Variants in UBE2E2 observed in about 807,000 individuals in gnomAD.
UBE2E2 encodes ubiquitin-conjugating enzyme E2 E2.
A neutral mutation model predicts 24.7 loss-of-function variants in UBE2E2; 6 were observed. That is an observed-to-expected ratio of 0.24 (90% CI 0.13 to 0.48). The LOEUF is 0.48. Ranked by LOEUF, UBE2E2 falls within the 20% of genes least tolerant of loss-of-function variation. The probability of loss-of-function intolerance (pLI) is 0.99; values close to 1 mark genes in which losing one functional copy is unlikely to be tolerated. For missense variants in UBE2E2, 169 were observed against 245.0 expected, an observed-to-expected ratio of 0.69 and a Z score of 2.07; for synonymous variants, 104 against 83.6, an observed-to-expected ratio of 1.24 and a Z score of -1.33.
At chr3:23,517,417 T>G (rs1694767231) in intron 4 of UBE2E2, among the ~76,000 whole-genome samples, 1 of 152,150 alleles carries the variant, frequency 6.6e-6, no homozygotes, top group Non-Finnish European at 1.5e-5. Context: ...ACCTCCCATC[T>G]CAGACTCCCA....
chr3:23,214,155 C>T (rs1197784396), intron 2 of UBE2E2, among the ~76,000 whole-genome samples: 2 of 152,120 alleles, frequency 1.3e-5, no homozygotes, highest in African/African-American at 4.8e-5. Flanking sequence ...TTCTTGAATT[C>T]ATCAGTAAAT....
At chr3:23,452,352 T>A (rs1575639436) in intron 3 of UBE2E2, among the ~76,000 whole-genome samples, 1 of 152,166 alleles carries the variant, frequency 6.6e-6, no homozygotes, top group East Asian at 1.9e-4. Context: ...ATCTTTTTTT[T>A]TTCTGTTAGT....
chr3:23,394,411 A>G (rs561580053), intron 3 of UBE2E2, among the ~76,000 whole-genome samples: 37 of 152,310 alleles, frequency 2.4e-4, no homozygotes, highest in Non-Finnish European at 4.6e-4. Flanking sequence ...ATGACTTTAC[A>G]GTTTGCTGGG....
intron 3 of UBE2E2, among the ~76,000 whole-genome samples, chr3:23,480,541 C>G (rs1699235706): frequency 6.6e-6 from 1 of 151,926 alleles, no homozygotes; most frequent in Non-Finnish European, 1.5e-5. Context: ...GCAGCCCTCG[C>G]TGCGCCTCCC....
In UBE2E2 at chr3:23,558,234, G is replaced by GT. The variant is rs758023717; in HGVS notation, c.508+25536dup. 7.9e-5 allele frequency among the ~76,000 whole-genome samples: 12 copies of GT among 152,282 alleles called. No homozygotes were observed. The East Asian group carries it at 2.3e-3, about 29-fold the overall frequency. On this transcript the variant is annotated intron_variant, in intron 5 of 5. Coordinates refer to ENST00000396703, the MANE Select transcript of UBE2E2 (RefSeq NM_152653.4). ...CAAACTTAACATAATTGATCTGCAT[G>GT]TTTCATTCTCAGTCCTCAAGAGTAC... is the stretch of plus-strand genomic sequence containing the variant.
intron 3 of UBE2E2, among the ~76,000 whole-genome samples, chr3:23,244,833 A>G (rs1697351310): frequency 1.3e-5 from 2 of 152,154 alleles, no homozygotes; most frequent in African/African-American, 4.8e-5. Flanking sequence ...TTTTATACAA[A>G]TGAATAGTGT....
chr3:23,565,281 A>G (rs146445784), intron 5 of UBE2E2, among the ~76,000 whole-genome samples: 233 of 152,100 alleles, frequency 1.5e-3, no homozygotes, highest in African/African-American at 5.4e-3. Flanking sequence ...TTAGCCAAAT[A>G]GGGAGGGAGG....
chr3:23,565,617 T>C (rs1249040241), intron 5 of UBE2E2, among the ~76,000 whole-genome samples: 2 of 152,036 alleles, frequency 1.3e-5, no homozygotes, highest in Non-Finnish European at 1.5e-5. Flanking sequence ...GATTTCCACC[T>C]AGGGAGGTTA....
At chr3:23,296,887 G>A (rs192302509) in intron 3 of UBE2E2, among the ~76,000 whole-genome samples, 11 of 152,280 alleles carry the variant, frequency 7.2e-5, no homozygotes, top group African/African-American at 2.4e-4. Context: ...TCACCAAACC[G>A]ACTTCCACAA....
chr3:23,203,249 C>G (rs1390749583), upstream of UBE2E2: 2 of 988,280 alleles, frequency 2.0e-6, no homozygotes, highest in Non-Finnish European at 1.2e-6. Context: ...GCGGCGGCAG[C>G]GGCGGCGCTG....
At chr3:23,240,598 C>A (rs1358433280) in intron 3 of UBE2E2, among the ~76,000 whole-genome samples, 1 of 152,220 alleles carries the variant, frequency 6.6e-6, no homozygotes, top group Non-Finnish European at 1.5e-5. Context: ...CTGCAAAGCT[C>A]ACTGTGTCTG....
chr3:23,375,424 T>C (rs1696496678), intron 3 of UBE2E2, among the ~76,000 whole-genome samples: 1 of 152,198 alleles, frequency 6.6e-6, no homozygotes, highest in Non-Finnish European at 1.5e-5. Context: ...GTTCAGGCAC[T>C]ATAGTGAATA....
chr3:23,369,232 GT>G (rs1696336973), intron 3 of UBE2E2, among the ~76,000 whole-genome samples: 1 of 152,032 alleles, frequency 6.6e-6, no homozygotes, highest in African/African-American at 2.4e-5. Context: ...GAATTAGCCT[GT>G]TAGGCACACA....
At chr3:23,429,727 T>A (rs1483283888) in intron 3 of UBE2E2, among the ~76,000 whole-genome samples, 1 of 152,138 alleles carries the variant, frequency 6.6e-6, no homozygotes, top group Non-Finnish European at 1.5e-5. Flanking sequence ...AAGGAAGAAA[T>A]TAGACTTTCT....
At chr3:23,478,698 T>C (rs1194588921) in intron 3 of UBE2E2, among the ~76,000 whole-genome samples, 1 of 152,156 alleles carries the variant, frequency 6.6e-6, no homozygotes, top group Admixed American at 6.5e-5. Flanking sequence ...TCTCATTTGA[T>C]CATCCTTTTA....
intron 3 of UBE2E2, among the ~76,000 whole-genome samples, chr3:23,279,085 A>G (rs903576769): frequency 1.1e-4 from 17 of 152,142 alleles, no homozygotes; most frequent in Admixed American, 3.3e-4. Context: ...GAATAATCTT[A>G]CCATGTAACT....
intron 3 of UBE2E2, among the ~76,000 whole-genome samples, chr3:23,354,259 CATTAGACCTAAAA>C (rs1695863071): frequency 6.6e-6 from 1 of 152,060 alleles, no homozygotes; most frequent in Admixed American, 6.6e-5. Flanking sequence ...AAGACTTAAA[CATTAGACCTAAAA>C]CCATAAAAAC....
chr3:23,422,235 A>T (rs1314904085), intron 3 of UBE2E2, among the ~76,000 whole-genome samples: 1 of 152,202 alleles, frequency 6.6e-6, no homozygotes, highest in African/African-American at 2.4e-5. Flanking sequence ...ACTTTAAAGG[A>T]GCATTAATAA....
chr3:23,289,885 T>A (rs369310715), intron 3 of UBE2E2, among the ~76,000 whole-genome samples: 1 of 152,230 alleles, frequency 6.6e-6, no homozygotes, highest in Admixed American at 6.5e-5. Context: ...TCTGTAAAAG[T>A]TATTTTTCTT....
Sources: allele counts gnomAD v4.1 joint callset (sites outside exome capture counted in the v4.1 genomes callset), GRCh38; gene constraint gnomAD v4.1.1; transcripts MANE v1.5; gene names NCBI Gene and HGNC (gene_info 2026-07-23, HGNC 2026-07-21).